NCOR2: variants seen among roughly 807,000 people sequenced by gnomAD.
The protein encoded by NCOR2 is nuclear receptor corepressor 2.
NCOR2 carries 81 observed loss-of-function variants against 262.9 expected under a neutral mutation model. The observed-to-expected ratio is 0.31, with a 90% CI of 0.26 to 0.37. The LOEUF (loss-of-function observed/expected upper bound fraction) is 0.37. Ranked by LOEUF, NCOR2 falls within the 10% of genes least tolerant of loss-of-function variation. NCOR2 has a pLI of 1.00. For missense variants in NCOR2, 3,385 were observed against 3,621.4 expected (o/e 0.93, Z 1.68); for synonymous variants, 1,659 against 1,559.3 (o/e 1.06, Z -1.51).
At chr12:124,336,638 C>T (rs887354354) in intron 38 of NCOR2, 115 bp downstream of exon 40, 3 of 1,505,768 alleles carry the variant, frequency 2.0e-6, no homozygotes, top group African/African-American at 1.4e-5. Context: ...GGAAGTCTTA[C>T]CATCGCGAGG....
intron 1 of NCOR2, among the ~76,000 whole-genome samples, chr12:124,493,174 T>G (rs1477063803): frequency 2.6e-5 from 4 of 152,158 alleles, no homozygotes; most frequent in Non-Finnish European, 5.9e-5. Flanking sequence ...GAGGGCCCAG[T>G]TGGGGCAAAG....
At chr12:124,362,388 C>A in intron 21 of NCOR2, 91 bp from the exon 24 acceptor site, 1 of 1,214,334 alleles carries the variant, frequency 8.2e-7, no homozygotes, top group Non-Finnish European at 1.1e-6. Flanking sequence ...GCCTGGAAAC[C>A]AAGGCCCGGG....
intron 13 of NCOR2, among the ~76,000 whole-genome samples, chr12:124,410,179 T>C (rs1593413783): frequency 6.8e-6 from 1 of 148,070 alleles, no homozygotes; most frequent in East Asian, 2.0e-4. Flanking sequence ...GCTTGAGATG[T>C]CCCCCAGGCC....
chr12:124,362,164 C>G, exon 22 of NCOR2: 1 of 1,307,644 alleles, frequency 7.6e-7, no homozygotes, highest in African/African-American at 1.5e-5. Flanking sequence ...CCTGCTCTTG[C>G]CCCGGGGGCT....
At chr12:124,365,475 C>A (rs748495824) in intron 20 of NCOR2, among the ~76,000 whole-genome samples, 25 of 152,346 alleles carry the variant, frequency 1.6e-4, no homozygotes, top group Non-Finnish European at 1.8e-4. Flanking sequence ...GAGGCCCCTG[C>A]CGGCAGTCCC....
At chr12:124,362,818 A>T in intron 21 of NCOR2, among the ~76,000 whole-genome samples, 1 of 138,956 alleles carries the variant, frequency 7.2e-6, no homozygotes, top group Non-Finnish European at 1.5e-5. Flanking sequence ...GAACAGGGGG[A>T]CCCACCTCCC....
rs2044022084 is a variant in NCOR2 at position 124,432,516 on chromosome 12, G to T, written c.883-1729C>A. Among the ~76,000 whole-genome samples the T allele has an allele frequency of 6.6e-6, 1 of 152,176 alleles. No individual in the cohort carries two copies. Among genetic ancestry groups the T allele is most frequent in the Non-Finnish European group, 1.5e-5 (1 of 68,024 alleles). On this transcript the variant is annotated intron_variant, in intron 8 of 46. Coordinates refer to ENST00000405201, the Ensembl canonical transcript of NCOR2. This position sits in a 1 kb window ranked among gnomAD's most constrained non-coding sequence, Gnocchi z 5.1. Reference sequence around the variant, plus strand: ...CAGTGTCCAGCAGCCACATGCGGCTGGGGCTCCGGCCGCACCAGACAGCCC... The same window carrying T: ...CAGTGTCCAGCAGCCACATGCGGCTTGGGCTCCGGCCGCACCAGACAGCCC...
intron 1 of NCOR2, among the ~76,000 whole-genome samples, chr12:124,509,979 T>A (rs909499722): frequency 2.6e-5 from 4 of 152,108 alleles, no homozygotes; most frequent in African/African-American, 9.7e-5. Flanking sequence ...AATGTGCTGA[T>A]AAACCTAGGC....
In NCOR2 at chr12:124,336,746, G is replaced by C. The variant is rs1206266832; in HGVS notation, c.6115+7C>G. The C allele has an allele frequency of 6.2e-7, 1 of 1,612,870 alleles. No individual in the cohort carries two copies. Among genetic ancestry groups the C allele is most frequent in the East Asian group, 2.2e-5 (1 of 44,818 alleles). On this transcript the variant is annotated splice_region_variant and intron_variant, in intron 38 of 46. Transcript: ENST00000405201. Reference sequence around the variant, plus strand: ...TATGAAGGTGGCCGCTGTCAGGGTGGTCTTACCCAGAGAACGGAGTTCCAG... The same window carrying C: ...TATGAAGGTGGCCGCTGTCAGGGTGCTCTTACCCAGAGAACGGAGTTCCAG...
intron 1 of NCOR2, among the ~76,000 whole-genome samples, chr12:124,546,361 G>C (rs1449106849): frequency 1.3e-5 from 2 of 152,200 alleles, no homozygotes; most frequent in Non-Finnish European, 2.9e-5. Context: ...ATGGTGGTCT[G>C]AAAACAAACG....
intron 22 of NCOR2, among the ~76,000 whole-genome samples, chr12:124,359,990 GAAACGGC>G (rs1158241672): frequency 1.6e-4 from 25 of 152,236 alleles, no homozygotes; most frequent in Non-Finnish European, 2.9e-4. Context: ...ATGAGGCCAG[GAAACGGC>G]ACAGGCCCTG....
intron 1 of NCOR2, among the ~76,000 whole-genome samples, chr12:124,501,372 C>T (rs548069581): frequency 2.8e-4 from 42 of 152,058 alleles, no homozygotes; most frequent in African/African-American, 9.4e-4. Flanking sequence ...GGCGTATTAG[C>T]GCCCTCGGCT....
chr12:124,384,523 C>G (rs930249308), intron 17 of NCOR2, among the ~76,000 whole-genome samples: 29 of 152,154 alleles, frequency 1.9e-4, no homozygotes, highest in Non-Finnish European at 1.2e-4. Context: ...GACCGTGGCC[C>G]CTCGGTCCCG....
intron 43 of NCOR2, 141 bp from the exon 46 acceptor site, chr12:124,331,039 G>T (rs2035141914): frequency 1.3e-6 from 1 of 771,874 alleles, no homozygotes; most frequent in Non-Finnish European, 2.1e-6. Flanking sequence ...AGCAGGCCTG[G>T]GACAGGGCCA....
At position 124,444,112 on chromosome 12, in the gene NCOR2, G is replaced by A. The variant is rs991916505; in HGVS notation, c.815+5703C>T. 7.2e-5 allele frequency among the ~76,000 whole-genome samples: 11 copies of A among 152,144 alleles called. No individual in the cohort carries two copies. The South Asian group carries it at 1.7e-3, about 23-fold the overall frequency. On this transcript the variant is annotated intron_variant, in intron 7 of 46. Coordinates refer to ENST00000405201, the Ensembl canonical transcript of NCOR2. ...CGTGTTCAACATTCCTCTGGCAAAC[G>A]TTTTTTTAAGTGTTTATTTTGTTCC... is the stretch of plus-strand genomic sequence containing the variant.
chr12:124,412,812 G>A (rs1157242623), intron 13 of NCOR2, among the ~76,000 whole-genome samples: 1 of 152,234 alleles, frequency 6.6e-6, no homozygotes, highest in East Asian at 1.9e-4. Flanking sequence ...TGAGGGGTGC[G>A]GCCCAGTGAC....
chr12:124,458,226 C>G, intron 5 of NCOR2, among the ~76,000 whole-genome samples: 1 of 152,244 alleles, frequency 6.6e-6, no homozygotes, highest in Non-Finnish European at 1.5e-5. Flanking sequence ...ACCCCAAGCC[C>G]TGGGAAATGT....
intron 22 of NCOR2, among the ~76,000 whole-genome samples, chr12:124,357,716 A>G (rs1178111792): frequency 6.6e-6 from 1 of 152,266 alleles, no homozygotes; most frequent in Non-Finnish European, 1.5e-5. Flanking sequence ...AAAGCCTAAA[A>G]TGTTCACTCT....
At chr12:124,333,902 G>GTGTGTGTGCGCA (rs2035570302) in intron 41 of NCOR2, among the ~76,000 whole-genome samples, 1 of 140,918 alleles carries the variant, frequency 7.1e-6, no homozygotes, top group East Asian at 2.1e-4. Context: ...GTGTGCGCGC[G>GTGTGTGTGCGCA]CATGTGTGCG....
Sources: gnomAD v4.1 joint callset for allele counts (sites outside exome capture counted in the v4.1 genomes callset) on GRCh38, gnomAD v4.1.1 for gene constraint, Gnocchi (gnomAD v3.1) non-coding constraint, MANE v1.5 for transcripts, NCBI Gene and HGNC (gene_info 2026-07-23, HGNC 2026-07-21) for gene names.